FLT3: variants seen among roughly 807,000 people sequenced by gnomAD.
FLT3 encodes the protein receptor-type tyrosine-protein kinase FLT3.
In FLT3, 46 loss-of-function variants were observed where a neutral mutation model predicts 126.6. The ratio of observed to expected loss-of-function variants is 0.36; its 90% CI spans 0.29 to 0.46. The LOEUF (loss-of-function observed/expected upper bound fraction) is 0.46. Ranked by LOEUF, FLT3 falls within the 20% of genes least tolerant of loss-of-function variation. The pLI is 1.00. For synonymous variants in FLT3, 404 were observed against 434.4 expected, an observed-to-expected ratio of 0.93 and a Z score of 0.87; for missense variants, 1,069 against 1,190.3, an observed-to-expected ratio of 0.90 and a Z score of 1.50.
At chr13:28,072,457 C>G (rs1030746406) in intron 1 of FLT3, among the ~76,000 whole-genome samples, 1 of 151,930 alleles carries the variant, frequency 6.6e-6, no homozygotes, top group Admixed American at 6.6e-5. Context: ...AGTGCAGTGG[C>G]ACGATCACTG....
intron 20 of FLT3, among the ~76,000 whole-genome samples, chr13:28,018,157 T>C (rs1042597569): frequency 6.6e-6 from 1 of 152,216 alleles, no homozygotes; most frequent in East Asian, 1.9e-4. Context: ...CTAGGATAAC[T>C]GAACTAAGTG....
At chr13:28,076,232 C>A (rs1468775707) in intron 1 of FLT3, among the ~76,000 whole-genome samples, 10 of 152,084 alleles carry the variant, frequency 6.6e-5, no homozygotes, top group African/African-American at 2.4e-4. Flanking sequence ...TATTACAAAA[C>A]ATAATCAAAT....
At position 28,048,417 on chromosome 13, in the gene FLT3, A is replaced by G; in HGVS notation, c.1063T>C (p.Ser355Pro). ...VEKGFINATN[S>P]SEDYEIDQYE... Reference sequence around the variant, plus strand: ...TGGTCAATTTCATAATCTTCACTTGAATTGGTAGCATTTATAAATCCCTTT... The same window carrying G: ...TGGTCAATTTCATAATCTTCACTTGGATTGGTAGCATTTATAAATCCCTTT... The change falls in exon 9 of 24, where the codon TCA becomes CCA. Residue 355 changes from serine to proline, a missense_variant. Physicochemically the swap from Ser to Pro is moderately conservative, Grantham distance 74. Transcript: ENST00000241453. 6.2e-7 allele frequency: 1 copy of G among 1,608,640 alleles called. No homozygotes were observed. The highest frequency in any genetic ancestry group is 8.5e-7 in the Non-Finnish European group (1 of 1,175,334).
intron 19 of FLT3, 74 bp from the exon 20 acceptor site, chr13:28,018,663 C>G (rs1707276795): frequency 1.3e-6 from 2 of 1,526,336 alleles, no homozygotes; most frequent in Non-Finnish European, 1.8e-6. Flanking sequence ...CTTCTAGACT[C>G]AACTTCAGTA....
At chr13:28,031,662 A>T (rs544376523) in intron 15 of FLT3, among the ~76,000 whole-genome samples, 1 of 152,248 alleles carries the variant, frequency 6.6e-6, no homozygotes, top group East Asian at 1.9e-4. Context: ...CTGAGGGGGC[A>T]GTGGGAGATA....
intron 9 of FLT3, among the ~76,000 whole-genome samples, chr13:28,045,848 C>G (rs1310509659): frequency 1.5e-5 from 1 of 65,234 alleles, no homozygotes; most frequent in Non-Finnish European, 3.4e-5. Flanking sequence ...GAATAAGACT[C>G]TGTCTCAAAA....
intron 9 of FLT3, among the ~76,000 whole-genome samples, chr13:28,043,456 C>G (rs936642594): frequency 3.9e-5 from 6 of 152,150 alleles, no homozygotes; most frequent in African/African-American, 1.4e-4. Flanking sequence ...GGTGCACATA[C>G]CATGACCACA....
intron 3 of FLT3, among the ~76,000 whole-genome samples, chr13:28,058,992 G>C (rs570969941): frequency 6.6e-6 from 1 of 152,186 alleles, no homozygotes; most frequent in South Asian, 2.1e-4. Flanking sequence ...AAGAAAAAAT[G>C]TGGCTGGCAC....
rs1234118695 is a variant in FLT3 at position 28,100,524 on chromosome 13, C to T, written c.-14G>A. The stretch of plus-strand genomic sequence containing the variant: ...CAACGCCGGCATGGCCTCCGGAGCC[C>T]GGGGTCCCCAGGCCGCGCCGGCCCA... On this transcript the variant is annotated 5_prime_UTR_variant, in exon 1 of 24. Transcript: ENST00000241453. This position sits in a 1 kb window ranked among gnomAD's most constrained non-coding sequence, Gnocchi z 4.8. 11 of 1,213,478 alleles carry T rather than the reference C, an allele frequency of 9.1e-6. No homozygotes were observed. Among genetic ancestry groups the T allele is most frequent in the Non-Finnish European group, 9.2e-6 (9 of 976,054 alleles). 75.2% of individuals were successfully genotyped at this position (1,213,478 alleles called of 1,614,324 possible).
intron 1 of FLT3, among the ~76,000 whole-genome samples, chr13:28,093,948 A>G (rs1331313862): frequency 6.6e-6 from 1 of 152,068 alleles, no homozygotes; most frequent in Non-Finnish European, 1.5e-5. Flanking sequence ...AAAAGAAGGG[A>G]GGGAAGGAGA....
At chr13:28,038,473 GAC>G (rs1874042618) in intron 9 of FLT3, among the ~76,000 whole-genome samples, 2 of 146,652 alleles carry the variant, frequency 1.4e-5, no homozygotes, top group African/African-American at 5.1e-5. Flanking sequence ...TTTTTCTTGA[GAC>G]AGAGTCTCGC....
intron 15 of FLT3, among the ~76,000 whole-genome samples, chr13:28,030,091 C>T (rs1267521019): frequency 1.3e-5 from 2 of 152,098 alleles, no homozygotes; most frequent in Non-Finnish European, 2.9e-5. Context: ...AGATTTGGTT[C>T]GATTGCCAGG....
intron 15 of FLT3, among the ~76,000 whole-genome samples, chr13:28,032,782 A>C (rs538101997): frequency 6.6e-6 from 1 of 152,342 alleles, no homozygotes; most frequent in East Asian, 1.9e-4. Context: ...AAACCCAAAG[A>C]AAGAAAGCTT....
At chr13:28,028,763 C>CTTT (rs56181669) in intron 15 of FLT3, among the ~76,000 whole-genome samples, 74 of 140,078 alleles carry the variant, frequency 5.3e-4, no homozygotes, top group East Asian at 4.8e-3. Flanking sequence ...TCTCCTTTTT[C>CTTT]TTTTTTTTTT....
intron 1 of FLT3, among the ~76,000 whole-genome samples, chr13:28,087,039 T>G (rs1019117278): frequency 2.6e-5 from 4 of 152,168 alleles, no homozygotes; most frequent in African/African-American, 9.7e-5. Context: ...TATTTGTTTC[T>G]CTTCATTTTT....
At chr13:28,065,831 GTAATAA>G (rs59880929) in intron 2 of FLT3, among the ~76,000 whole-genome samples, 3 of 126,938 alleles carry the variant, frequency 2.4e-5, no homozygotes, top group Non-Finnish European at 3.3e-5. Flanking sequence ...TTGTCTCAAA[GTAATAA>G]TAATAATAAT....
intron 15 of FLT3, among the ~76,000 whole-genome samples, chr13:28,030,801 G>A (rs1302032956): frequency 6.6e-6 from 1 of 152,190 alleles, no homozygotes; most frequent in Admixed American, 6.5e-5. Flanking sequence ...CCAGTTACTG[G>A]AAAGGCTGCA....
At chr13:28,085,492 G>T (rs991498454) in intron 1 of FLT3, among the ~76,000 whole-genome samples, 2 of 151,650 alleles carry the variant, frequency 1.3e-5, no homozygotes, top group African/African-American at 4.9e-5. Flanking sequence ...TTATTTATTT[G>T]TCCTTGTTCT....
chr13:28,097,310 A>AT (rs1182148108), intron 1 of FLT3, among the ~76,000 whole-genome samples: 1 of 152,082 alleles, frequency 6.6e-6, no homozygotes, highest in African/African-American at 2.4e-5. Context: ...ATAAAAACAG[A>AT]TTTTTTCTTC....
Sources: gnomAD v4.1 joint callset for allele counts (sites outside exome capture counted in the v4.1 genomes callset) on GRCh38, gnomAD v4.1.1 for gene constraint, Gnocchi (gnomAD v3.1) non-coding constraint, MANE v1.5 for transcripts, NCBI Gene and HGNC (gene_info 2026-07-23, HGNC 2026-07-21) for gene names.